The following RPS6KA2 variants were observed in gnomAD, a reference collection of about 807,000 sequenced individuals.
RPS6KA2 encodes the protein ribosomal protein S6 kinase alpha-2.
A neutral mutation model predicts 91.8 loss-of-function variants in RPS6KA2; 42 were observed. That is an observed-to-expected ratio of 0.46 (90% CI 0.36 to 0.59). The LOEUF is 0.59. RPS6KA2 is among the 20% of genes least tolerant of loss of function. RPS6KA2 has a pLI of 0.00. For synonymous variants in RPS6KA2, 414 were observed against 393.6 expected, an observed-to-expected ratio of 1.05 and a Z score of -0.61; for missense variants, 798 against 978.5, an observed-to-expected ratio of 0.82 and a Z score of 2.46.
At chr6:166,807,663 C>T (rs982146204) in intron 2 of RPS6KA2, among the ~76,000 whole-genome samples, 34 of 152,142 alleles carry the variant, frequency 2.2e-4, no homozygotes, top group African/African-American at 8.0e-4. Flanking sequence ...TGTTCTCCCC[C>T]AACTTGCTCT....
At chr6:166,439,931 T>TA (rs1181898851) in intron 14 of RPS6KA2, 1 of 152,160 alleles carries the variant, frequency 6.6e-6, no homozygotes, top group Non-Finnish European at 1.5e-5. Context: ...GTATTGTAGA[T>TA]AAAGGGGCTG....
intron 3 of RPS6KA2, among the ~76,000 whole-genome samples, chr6:166,529,686 C>T (rs542512641): frequency 5.9e-5 from 9 of 152,280 alleles, no homozygotes; most frequent in South Asian, 2.1e-4. Flanking sequence ...CTTTTGTGTA[C>T]GTAAGAATTA....
In RPS6KA2 at chr6:166,665,875, G is replaced by A. The variant is rs769332186; in HGVS notation, c.124-127091C>T. ...AAGAAGGTGCAGCTCTGCTCAGCAC[G>A]GCCCCCAGCCTGCTTCCTGGGCAGG... On this transcript the variant is annotated intron_variant, in intron 2 of 21. Coordinates refer to the RPS6KA2 transcript ENST00000503859. The surrounding 1 kb of genome is among the most constrained non-coding windows in gnomAD (Gnocchi z 4.5). Among the ~76,000 whole-genome samples the A allele has an allele frequency of 7.9e-5, 12 of 152,164 alleles. No homozygotes were observed. The highest frequency in any genetic ancestry group is 1.6e-4 in the Non-Finnish European group (11 of 68,028).
intron 1 of RPS6KA2, among the ~76,000 whole-genome samples, chr6:166,558,883 C>T (rs1315123685): frequency 2.0e-5 from 3 of 152,178 alleles, no homozygotes; most frequent in East Asian, 1.9e-4. Context: ...CTTGAGGAAA[C>T]ATTTGGTGTT....
intron 8 of RPS6KA2, among the ~76,000 whole-genome samples, chr6:166,498,088 C>G (rs1781858338): frequency 1.1e-5 from 1 of 91,030 alleles, no homozygotes; most frequent in Admixed American, 1.2e-4. Flanking sequence ...GAAAACGCGA[C>G]AGAGACAATT....
chr6:166,588,244 A>G (rs1031315909), intron 1 of RPS6KA2, among the ~76,000 whole-genome samples: 17 of 152,188 alleles, frequency 1.1e-4, no homozygotes, highest in African/African-American at 4.1e-4. Flanking sequence ...TCAGCTTCAC[A>G]TTCAGCAGGT....
intron 12 of RPS6KA2, among the ~76,000 whole-genome samples, chr6:166,452,044 A>G (rs1333837687): frequency 2.0e-5 from 3 of 152,244 alleles, no homozygotes; most frequent in East Asian, 1.9e-4. Context: ...TACCATAGGC[A>G]TGAAAAGATG....
intron 2 of RPS6KA2, among the ~76,000 whole-genome samples, chr6:166,826,636 A>G (rs963894062): frequency 2.0e-5 from 3 of 152,240 alleles, no homozygotes; most frequent in African/African-American, 7.2e-5. Context: ...GAATTAAGCT[A>G]GGCTTACCAT....
At chr6:166,745,062 G>T (rs1271908364) in intron 2 of RPS6KA2, among the ~76,000 whole-genome samples, 2 of 152,040 alleles carry the variant, frequency 1.3e-5, no homozygotes, top group Admixed American at 1.3e-4. Context: ...CTTCTAGGGG[G>T]ACCTTGCTCT....
intron 2 of RPS6KA2, among the ~76,000 whole-genome samples, chr6:166,535,120 G>A (rs1413236474): frequency 6.6e-6 from 1 of 152,176 alleles, no homozygotes; most frequent in Non-Finnish European, 1.5e-5. Context: ...AGTGGGCGCT[G>A]TGTGTGCCCC....
intron 2 of RPS6KA2, among the ~76,000 whole-genome samples, chr6:166,834,916 G>A (rs1290576018): frequency 1.3e-5 from 2 of 151,930 alleles, no homozygotes; most frequent in East Asian, 3.9e-4. Context: ...CTAAACCAGC[G>A]ATGATTTATT....
At chr6:166,812,356 A>T (rs1344393240) in intron 2 of RPS6KA2, among the ~76,000 whole-genome samples, 1 of 151,968 alleles carries the variant, frequency 6.6e-6, no homozygotes, top group East Asian at 1.9e-4. Context: ...ACTCCATCTC[A>T]AAAAAAAGAA....
chr6:166,469,897 T>C lies in RPS6KA2; in HGVS notation c.916A>G (p.Ile306Val). 1 of 1,613,982 alleles carries C rather than the reference T, an allele frequency of 6.2e-7. No homozygotes were observed. The part of the protein sequence containing the change: ...RNPCNRLGAG[I>V]DGVEEIKRHP... ...CGCTTAATTTCCTCCACTCCGTCAA[T>C]GCCAGCACCTGTCAACAACACAGAA... Residue 306 changes from isoleucine (I) to valine (V), a missense_variant, in exon 11 of 21, where the codon ATT becomes GTT. Ile to Val is a conservative substitution (Grantham distance 29). Transcript: ENST00000265678.
chr6:166,720,790 G>C (rs772417498), intron 2 of RPS6KA2, among the ~76,000 whole-genome samples: 10 of 152,106 alleles, frequency 6.6e-5, no homozygotes, highest in Non-Finnish European at 2.9e-5. Context: ...ATTTTACTCA[G>C]AAGGAAACTC....
intron 1 of RPS6KA2, among the ~76,000 whole-genome samples, chr6:166,615,630 G>A (rs148253855): frequency 1.1e-4 from 17 of 152,286 alleles, no homozygotes; most frequent in African/African-American, 1.7e-4. Flanking sequence ...CCGTGTGCTC[G>A]CTCCGCTCAT....
Position 166,434,137 on chromosome 6 carries a change from G to A in RPS6KA2, c.1333-1647C>T, listed in dbSNP as rs977584773. 1.3e-5 allele frequency among the ~76,000 whole-genome samples: 2 copies of A among 152,048 alleles called. No individual in the cohort carries two copies. Among genetic ancestry groups the A allele is most frequent in the East Asian group, 1.9e-4 (1 of 5,188 alleles). ...ATAATCTGTCCCCTGGTCACCCTTC[G>A]TCCACTCCCCGTCACCGTTATAAAA... is the stretch of plus-strand genomic sequence containing the variant. On this transcript the variant is annotated intron_variant, in intron 14 of 20. Transcript: ENST00000265678. This position sits in a 1 kb window ranked among gnomAD's most constrained non-coding sequence, Gnocchi z 4.4.
chr6:166,628,293 GT>G (rs1412242285), upstream of RPS6KA2, among the ~76,000 whole-genome samples: 1 of 152,182 alleles, frequency 6.6e-6, no homozygotes, highest in Non-Finnish European at 1.5e-5. Context: ...AGCCTGCTCT[GT>G]TTTCCTCTTG....
chr6:166,778,010 T>G (rs1009549752), intron 2 of RPS6KA2, among the ~76,000 whole-genome samples: 1 of 152,250 alleles, frequency 6.6e-6, no homozygotes, highest in Non-Finnish European at 1.5e-5. Flanking sequence ...ATCTGTAAAT[T>G]TAATTTAATA....
intron 2 of RPS6KA2, among the ~76,000 whole-genome samples, chr6:166,806,853 T>C (rs1779505094): frequency 6.6e-6 from 1 of 152,244 alleles, no homozygotes; most frequent in Admixed American, 6.5e-5. Flanking sequence ...TGTGATTTTG[T>C]GAGTTCAACA....
Sources: gnomAD v4.1 joint callset for allele counts (sites outside exome capture counted in the v4.1 genomes callset) on GRCh38, gnomAD v4.1.1 for gene constraint, Gnocchi (gnomAD v3.1) non-coding constraint, MANE v1.5 for transcripts, NCBI Gene and HGNC (gene_info 2026-07-23, HGNC 2026-07-21) for gene names.